ABHD2: variants seen among roughly 807,000 people sequenced by gnomAD.
ABHD2 encodes monoacylglycerol lipase ABHD2.
ABHD2 carries 20 observed loss-of-function variants against 48.1 expected under a neutral mutation model. That is an observed-to-expected ratio of 0.42 (90% CI 0.29 to 0.60). The LOEUF (loss-of-function observed/expected upper bound fraction) is 0.60. Ranked by LOEUF, ABHD2 falls within the 20% of genes least tolerant of loss-of-function variation. ABHD2 has a pLI of 0.24. For missense variants in ABHD2, 405 were observed against 550.9 expected, an observed-to-expected ratio of 0.74 and a Z score of 2.65; for synonymous variants, 209 against 214.2, an observed-to-expected ratio of 0.98 and a Z score of 0.21.
chr15:89,050,358 C>T, the ABHD2 span, among the ~76,000 whole-genome samples: 15 of 152,158 alleles, frequency 9.9e-5, no homozygotes, highest in African/African-American at 3.6e-4. Flanking sequence ...GGACATGTGT[C>T]CAATGAAGAA....
Position 89,151,305 on chromosome 15 carries a change from T to C in ABHD2, c.195-372T>C, listed in dbSNP as rs974558745. Among the ~76,000 whole-genome samples, 2 of 152,248 alleles carry C rather than the reference T, an allele frequency of 1.3e-5. No homozygotes were observed. The highest frequency in any genetic ancestry group is 4.8e-5 in the African/African-American group (2 of 41,470). The stretch of plus-strand genomic sequence containing the variant: ...AGTGTAGGCGCTATGCTATTTCATA[T>C]ACATCAGCTCCTTTAATAATGAGCT... On this transcript the variant is annotated intron_variant, in intron 3 of 10. Transcript: ENST00000352732. The surrounding 1 kb of genome is among the most constrained non-coding windows in gnomAD (Gnocchi z 4.7).
chr15:89,115,501 A>G (rs1050855667), intron 2 of ABHD2, among the ~76,000 whole-genome samples: 4 of 151,878 alleles, frequency 2.6e-5, no homozygotes, highest in African/African-American at 9.7e-5. Flanking sequence ...AGATGAGCAT[A>G]TACATTTTCT....
chr15:89,190,958 T>C, intron 8 of ABHD2, 122 bp from the exon 9 acceptor site: 1 of 851,586 alleles, frequency 1.2e-6, no homozygotes, highest in Non-Finnish European at 1.8e-6. Context: ...CTCCTGCCTC[T>C]GTCTACTCTA....
the ABHD2 span, among the ~76,000 whole-genome samples, chr15:89,064,597 A>G: frequency 2.0e-5 from 3 of 152,176 alleles, no homozygotes; most frequent in Middle Eastern, 0.01. Context: ...TGCTTTTTCC[A>G]CTTAATATAT....
chr15:89,085,018 C>G (rs1234053133), upstream of ABHD2, among the ~76,000 whole-genome samples: 2 of 152,176 alleles, frequency 1.3e-5, no homozygotes, highest in Non-Finnish European at 2.9e-5. This position sits in a 1 kb window ranked among gnomAD's most constrained non-coding sequence, Gnocchi z 4.2. Context: ...AAATGACAAA[C>G]TGAGTGAATT....
At position 89,114,118 on chromosome 15, in the gene ABHD2, C is replaced by G. The variant is rs1157968921; in HGVS notation, c.-7+294C>G. Among the ~76,000 whole-genome samples the G allele has an allele frequency of 6.6e-6, 1 of 152,212 alleles. No homozygotes were observed. Among genetic ancestry groups the G allele is most frequent in the African/African-American group, 2.4e-5 (1 of 41,456 alleles). On this transcript the variant is annotated intron_variant, in intron 2 of 10. Transcript: ENST00000352732. The surrounding 1 kb of genome is among the most constrained non-coding windows in gnomAD (Gnocchi z 4.2). ...AGACTTAAAAGCCTATATTAACAAG[C>G]TGCATCATCTTGGACATTTGTTTAG...
Position 89,185,823 on chromosome 15 carries a change from G to A in ABHD2, c.815+307G>A, listed in dbSNP as rs1423028519. ...ATCTCTACCAAAAATACAAAAATTA[G>A]CTGGGCATGATGGTGCCGCTGTAAT... is the stretch of plus-strand genomic sequence containing the variant. On this transcript the variant is annotated intron_variant, in intron 7 of 10. Coordinates refer to ENST00000352732, the MANE Select transcript of ABHD2 (RefSeq NM_152924.5). This position sits in a 1 kb window ranked among gnomAD's most constrained non-coding sequence, Gnocchi z 5.9. Among the ~76,000 whole-genome samples, 1 of 152,118 alleles carries A rather than the reference G, an allele frequency of 6.6e-6. No homozygotes were observed. The highest frequency in any genetic ancestry group is 2.1e-4 in the South Asian group (1 of 4,822).
chr15:89,136,895 T>G (rs12904800), intron 3 of ABHD2, among the ~76,000 whole-genome samples: 29,432 of 152,222 alleles, frequency 0.19, 3,082 homozygotes, highest in Admixed American at 0.3. Context: ...CATTGGCATC[T>G]ATGTGCATGT....
At chr15:89,145,801 G>T (rs1479965060) in intron 3 of ABHD2, among the ~76,000 whole-genome samples, 1 of 152,148 alleles carries the variant, frequency 6.6e-6, no homozygotes, top group Admixed American at 6.5e-5. Flanking sequence ...TGGTACTAAT[G>T]GTGTAAAAAG....
At chr15:89,052,174 G>T in the ABHD2 span, among the ~76,000 whole-genome samples, 1 of 152,208 alleles carries the variant, frequency 6.6e-6, no homozygotes, top group Non-Finnish European at 1.5e-5. Context: ...AATTCAGGGA[G>T]ATGGGAGCCC....
rs915404446 is a variant in ABHD2, at chr15:89,184,162, A to G, written c.723-1262A>G. Among the ~76,000 whole-genome samples the G allele has an allele frequency of 2.6e-5, 4 of 152,044 alleles. No individual in the cohort carries two copies. Among genetic ancestry groups the G allele is most frequent in the Admixed American group, 6.5e-5 (1 of 15,268 alleles). On this transcript the variant is annotated intron_variant, in intron 6 of 10. Transcript: ENST00000352732. The surrounding 1 kb of genome is among the most constrained non-coding windows in gnomAD (Gnocchi z 5.1). ...TTGCAGACCATTAAATTCACAAACC[A>G]TTTCATTCTTAACTCCCCACTACCT...
Position 89,201,453 on chromosome 15 carries a change from A to G in ABHD2, c.*6030A>G. The G allele has an allele frequency of 7.2e-7, 1 of 1,395,752 alleles. No individual in the cohort carries two copies. Among genetic ancestry groups the G allele is most frequent in the Non-Finnish European group, 1.0e-6 (1 of 993,654 alleles). The allele number at this position is 1,395,752 out of a possible 1,614,324, so 86.5% of individuals were successfully genotyped here. The stretch of plus-strand genomic sequence containing the variant: ...TCCATTTGGAATCCATTAATTCATG[A>G]GGTTTTGCCTCATTCCACACAGCTT... On this transcript the variant is annotated 3_prime_UTR_variant, in exon 11 of 11. Transcript: ENST00000352732.
chr15:89,115,368 GTAT>G (rs770226480), intron 2 of ABHD2, among the ~76,000 whole-genome samples: 6,058 of 38,144 alleles, frequency 0.16, 275 homozygotes, highest in African/African-American at 0.3. Context: ...ATGTTTGGAG[GTAT>G]GTGTGTGTGT....
intron 5 of ABHD2, among the ~76,000 whole-genome samples, chr15:89,157,389 A>C (rs2050691484): frequency 1.3e-5 from 2 of 152,142 alleles, no homozygotes; most frequent in Non-Finnish European, 1.5e-5. Context: ...AGGTAAGGGA[A>C]GGTCACAGGT....
chr15:89,171,422 A>G (rs969461068), intron 5 of ABHD2, among the ~76,000 whole-genome samples: 2 of 152,228 alleles, frequency 1.3e-5, no homozygotes, highest in Non-Finnish European at 2.9e-5. Flanking sequence ...GAGCTAGAGC[A>G]TCATTCTTGC....
chr15:89,080,216 C>T, the ABHD2 span, among the ~76,000 whole-genome samples: 43 of 152,288 alleles, frequency 2.8e-4, 1 homozygote, highest in Non-Finnish European at 1.5e-4. Context: ...CCCCAAGCTC[C>T]GGAGCAGTGG....
At chr15:89,071,997 G>C in the ABHD2 span, among the ~76,000 whole-genome samples, 1 of 152,296 alleles carries the variant, frequency 6.6e-6, no homozygotes, top group Admixed American at 6.5e-5. Context: ...TTGTGTCCCA[G>C]GAAACCCCCA....
chr15:89,202,064 G>A lies in ABHD2; in HGVS notation c.*6641G>A, dbSNP rs1047040901. 3.1e-6 allele frequency: 1 copy of A among 317,546 alleles called. No homozygotes were observed. The highest frequency in any genetic ancestry group is 5.9e-6 in the Non-Finnish European group (1 of 170,530). 19.7% of individuals were successfully genotyped at this position (317,546 alleles called of 1,614,324 possible). A position where few individuals can be genotyped will look rare whatever the true frequency, so the allele number is the denominator to read the frequency against. Reference sequence around the variant, plus strand: ...GAAAATACTATATTTTTGAGTTTGTGTTCTGAAAGCCTCCGTGCTGCTGGA... The same window carrying A: ...GAAAATACTATATTTTTGAGTTTGTATTCTGAAAGCCTCCGTGCTGCTGGA... On this transcript the variant is annotated 3_prime_UTR_variant, in exon 11 of 11. Coordinates refer to ENST00000352732, the MANE Select transcript of ABHD2 (RefSeq NM_152924.5).
At chr15:89,192,135 A>G (rs2051316521) in intron 9 of ABHD2, among the ~76,000 whole-genome samples, 1 of 152,180 alleles carries the variant, frequency 6.6e-6, no homozygotes, top group Non-Finnish European at 1.5e-5. Flanking sequence ...ATCCTTGTCA[A>G]TGTCCACCTG....
Sources: gnomAD v4.1 joint callset for allele counts (sites outside exome capture counted in the v4.1 genomes callset) on GRCh38, gnomAD v4.1.1 for gene constraint, Gnocchi (gnomAD v3.1) non-coding constraint, MANE v1.5 for transcripts, NCBI Gene and HGNC (gene_info 2026-07-23, HGNC 2026-07-21) for gene names.